Variants in NUDT11 observed in about 807,000 individuals in gnomAD.
NUDT11 encodes nudix hydrolase 11.
NUDT11 carries 1 observed loss-of-function variant against 10.0 expected under a neutral mutation model. That is an observed-to-expected ratio of 0.10 (90% CI 0.04 to 0.47). The LOEUF (loss-of-function observed/expected upper bound fraction) is 0.47, where lower values mean the gene tolerates loss of function less well. Among genes scored for constraint, NUDT11 ranks in the 20% least tolerant of loss-of-function variants. The pLI, the probability that NUDT11 is intolerant of heterozygous loss-of-function variation, is 0.96. For missense variants in NUDT11, 47 were observed against 140.4 expected (o/e 0.33, Z 3.36); for synonymous variants, 63 against 65.9 (o/e 0.96, Z 0.21).
Position 51,491,130 on chromosome X carries a change from C to T in NUDT11, c.*619G>A, listed in dbSNP as rs782216678. 2 of 112,352 alleles carry T rather than the reference C, an allele frequency of 1.8e-5. No homozygotes were observed. Among genetic ancestry groups the T allele is most frequent in the African/African-American group, 6.5e-5 (2 of 30,817 alleles). The allele number at this position is 112,352 out of a possible 1,213,427, so 9.3% of individuals were successfully genotyped here. ...GTACAAAAACACTAGAGTTGTTACA[C>T]GAAGGACTGATTCTACAAAACATTA... On this transcript the variant is annotated 3_prime_UTR_variant, in exon 2 of 2. Coordinates refer to ENST00000375992, the MANE Select transcript of NUDT11 (RefSeq NM_018159.4).
chrX:51,495,083 G>A (rs1364846935), intron 1 of NUDT11, among the ~76,000 whole-genome samples: 2 of 111,845 alleles, frequency 1.8e-5, no homozygotes, highest in Admixed American at 9.5e-5. Flanking sequence ...CTGTGAATAC[G>A]GTTTTTCTGA....
chrX:51,493,196 T>G (rs1352823397), intron 1 of NUDT11, among the ~76,000 whole-genome samples: 3 of 112,284 alleles, frequency 2.7e-5, no homozygotes, highest in African/African-American at 9.7e-5. Context: ...TCTTTATATA[T>G]TCACAAGAAT....
rs1460619850 is a variant in NUDT11 at position 51,496,505 on chromosome X, C to A, written c.-61G>T. On this transcript the variant is annotated 5_prime_UTR_variant, in exon 1 of 2. Transcript: ENST00000375992. Reference sequence around the variant, plus strand: ...CCTCTCGCTGCTGTGTGGGCCGCCGCTGCCGCTGCCGCCGCCGGGGAACAG... The same window carrying A: ...CCTCTCGCTGCTGTGTGGGCCGCCGATGCCGCTGCCGCCGCCGGGGAACAG... 1.9e-5 allele frequency: 22 copies of A among 1,181,339 alleles called. No homozygotes were observed. The highest frequency in any genetic ancestry group is 2.0e-5 in the Non-Finnish European group (18 of 879,675).
At position 51,496,564 on chromosome X, in the gene NUDT11, G is replaced by A; in HGVS notation, c.-120C>T. ...CTGGGAAGAGAAAGGGCCGAGGCGA[G>A]GGGCGGGGAAAGAGAGGCGCCTCCG... is the stretch of plus-strand genomic sequence containing the variant. On this transcript the variant is annotated 5_prime_UTR_variant, in exon 1 of 2. Transcript: ENST00000375992. 2.8e-6 allele frequency: 3 copies of A among 1,084,640 alleles called. No homozygotes were observed. The highest frequency in any genetic ancestry group is 4.8e-5 in the South Asian group (2 of 41,704). 89.4% of individuals were successfully genotyped at this position (1,084,640 alleles called of 1,213,427 possible). A position where few individuals can be genotyped will look rare whatever the true frequency, so the allele number is the denominator to read the frequency against.
At chrX:51,493,787 G>C (rs1387061636) in intron 1 of NUDT11, among the ~76,000 whole-genome samples, 1 of 110,410 alleles carries the variant, frequency 9.1e-6, no homozygotes, top group Admixed American at 9.7e-5. Context: ...ATATTTATAA[G>C]CTAACAATTC....
In NUDT11 at chrX:51,496,562, G is replaced by A. The variant is rs1397015312; in HGVS notation, c.-118C>T. ...TGCTGGGAAGAGAAAGGGCCGAGGC[G>A]AGGGGCGGGGAAAGAGAGGCGCCTC... On this transcript the variant is annotated 5_prime_UTR_variant, in exon 1 of 2. Coordinates refer to ENST00000375992, the MANE Select transcript of NUDT11 (RefSeq NM_018159.4). 9.2e-7 allele frequency: 1 copy of A among 1,081,159 alleles called. No homozygotes were observed. The highest frequency in any genetic ancestry group is 1.2e-6 in the Non-Finnish European group (1 of 820,644). 89.1% of individuals were successfully genotyped at this position (1,081,159 alleles called of 1,213,427 possible). A position where few individuals can be genotyped will look rare whatever the true frequency, so the allele number is the denominator to read the frequency against.
In NUDT11 at chrX:51,490,549, T is replaced by C. The variant is rs1004595019; in HGVS notation, c.*1200A>G. The C allele has an allele frequency of 5.3e-5, 6 of 112,422 alleles. No homozygotes were observed. Among genetic ancestry groups the C allele is most frequent in the Non-Finnish European group, 1.1e-4 (6 of 53,327 alleles). 9.3% of individuals were successfully genotyped at this position (112,422 alleles called of 1,213,427 possible). A position where few individuals can be genotyped will look rare whatever the true frequency, so the allele number is the denominator to read the frequency against. On this transcript the variant is annotated 3_prime_UTR_variant, in exon 2 of 2. Transcript: ENST00000375992. ...CCGTAAGATTTCTTCTAAACATCTT[T>C]GTTATTTTCTTAAAATTGTTCTGGA... is the stretch of plus-strand genomic sequence containing the variant.
chrX:51,495,550 G>T (rs1385848940), intron 1 of NUDT11, among the ~76,000 whole-genome samples: 7 of 111,665 alleles, frequency 6.3e-5, no homozygotes, highest in Non-Finnish European at 1.3e-4. Context: ...CCACGAATAT[G>T]TGTGAAATAT....
Position 51,496,577 on chromosome X carries a change from A to T in NUDT11, c.-133T>A. On this transcript the variant is annotated 5_prime_UTR_variant, in exon 1 of 2. Transcript: ENST00000375992. ...GGGCCGAGGCGAGGGGCGGGGAAAG[A>T]GAGGCGCCTCCGTCTGCCCGCGAGC... 9.6e-7 allele frequency: 1 copy of T among 1,037,950 alleles called. No homozygotes were observed. The highest frequency in any genetic ancestry group is 1.3e-6 in the Non-Finnish European group (1 of 788,423). 85.5% of individuals were successfully genotyped at this position (1,037,950 alleles called of 1,213,427 possible). A position where few individuals can be genotyped will look rare whatever the true frequency, so the allele number is the denominator to read the frequency against.
In NUDT11 at chrX:51,490,918, A is replaced by G; in HGVS notation, c.*831T>C. Reference sequence around the variant, plus strand: ...AAAATGAGGAAACAGTGTTTCCTCAAAGAGATGTTAAGATGACATGTAAGA... The same window carrying G: ...AAAATGAGGAAACAGTGTTTCCTCAGAGAGATGTTAAGATGACATGTAAGA... On this transcript the variant is annotated 3_prime_UTR_variant, in exon 2 of 2. Coordinates refer to ENST00000375992, the MANE Select transcript of NUDT11 (RefSeq NM_018159.4). The G allele has an allele frequency of 8.9e-6, 1 of 112,489 alleles. No homozygotes were observed. Among genetic ancestry groups the G allele is most frequent in the Non-Finnish European group, 1.9e-5 (1 of 53,296 alleles). 9.3% of individuals were successfully genotyped at this position (112,489 alleles called of 1,213,427 possible). A position where few individuals can be genotyped will look rare whatever the true frequency, so the allele number is the denominator to read the frequency against.
intron 1 of NUDT11, among the ~76,000 whole-genome samples, chrX:51,492,856 C>G (rs1925625540): frequency 8.9e-6 from 1 of 112,316 alleles, no homozygotes. Flanking sequence ...CAGAGAGTAC[C>G]TGGTGGCTCC....
At position 51,496,589 on chromosome X, in the gene NUDT11, G is replaced by T. The variant is rs1925717027; in HGVS notation, c.-145C>A. 2.0e-6 allele frequency: 2 copies of T among 1,001,842 alleles called. No homozygotes were observed. The highest frequency in any genetic ancestry group is 2.6e-6 in the Non-Finnish European group (2 of 756,799). The allele number at this position is 1,001,842 out of a possible 1,213,427, so 82.6% of individuals were successfully genotyped here. A position where few individuals can be genotyped will look rare whatever the true frequency, so the allele number is the denominator to read the frequency against. On this transcript the variant is annotated 5_prime_UTR_variant, in exon 1 of 2. Transcript: ENST00000375992. Reference sequence around the variant, plus strand: ...GGGGCGGGGAAAGAGAGGCGCCTCCGTCTGCCCGCGAGCCCGGGGAGCGGA... The same window carrying T: ...GGGGCGGGGAAAGAGAGGCGCCTCCTTCTGCCCGCGAGCCCGGGGAGCGGA...
chrX:51,494,012 T>G (rs1925650089), intron 1 of NUDT11, among the ~76,000 whole-genome samples: 1 of 111,861 alleles, frequency 8.9e-6, no homozygotes, highest in African/African-American at 3.2e-5. Flanking sequence ...TCAATATTAA[T>G]GTAGAAACAA....
chrX:51,495,872 C>T (rs1453265645), intron 1 of NUDT11, 79 bp downstream of exon 1: 59 of 1,163,727 alleles, frequency 5.1e-5, no homozygotes, highest in Admixed American at 2.7e-4. Context: ...CCGCACATGG[C>T]ACGAGAGGTG....
intron 1 of NUDT11, among the ~76,000 whole-genome samples, chrX:51,494,966 A>C (rs1397701179): frequency 2.7e-5 from 3 of 111,685 alleles, no homozygotes; most frequent in African/African-American, 9.8e-5. Flanking sequence ...CAAATATGGG[A>C]GGGAGACCAC....
At position 51,491,301 on chromosome X, in the gene NUDT11, T is replaced by C. The variant is rs1315106144; in HGVS notation, c.*448A>G. 3 of 119,345 alleles carry C rather than the reference T, an allele frequency of 2.5e-5. No individual in the cohort carries two copies. The highest frequency in any genetic ancestry group is 9.6e-5 in the African/African-American group (3 of 31,104). The allele number at this position is 119,345 out of a possible 1,213,427, so 9.8% of individuals were successfully genotyped here. Reference sequence around the variant, plus strand: ...TGATACACAAAAGCCACACACATGGTGCCTAGATAGCATATACTCTACTAG... The same window carrying C: ...TGATACACAAAAGCCACACACATGGCGCCTAGATAGCATATACTCTACTAG... On this transcript the variant is annotated 3_prime_UTR_variant, in exon 2 of 2. Transcript: ENST00000375992.
chrX:51,493,604 C>G (rs922226998), intron 1 of NUDT11, among the ~76,000 whole-genome samples: 2 of 111,700 alleles, frequency 1.8e-5, no homozygotes, highest in Non-Finnish European at 1.9e-5. Flanking sequence ...AAACTCTTGA[C>G]TTAGTTTTGA....
intron 1 of NUDT11, 54 bp downstream of exon 1, chrX:51,495,897 C>T: frequency 8.4e-7 from 1 of 1,191,670 alleles, no homozygotes; most frequent in Non-Finnish European, 1.1e-6. Flanking sequence ...AGGCGGGACG[C>T]ATTTTAAGCG....
rs782085172 is a variant in NUDT11 at position 51,496,065 on chromosome X, T to C, written c.380A>G (p.Lys127Arg). ...CACGGGCTTGTGGCACTGGAGAACCTTGATGGCATCTTCGACTTTGAACCA... is the reference window on the plus strand; with the variant it reads ...CACGGGCTTGTGGCACTGGAGAACCCTGATGGCATCTTCGACTTTGAACCA... ...REWFKVEDAI[K>R]VLQCHKPVHA... is the part of the protein sequence containing the mutation. Residue 127 changes from lysine (K) to arginine (R), a missense_variant, in exon 1 of 2, where the codon AAG becomes AGG. Coordinates refer to ENST00000375992, the MANE Select transcript of NUDT11 (RefSeq NM_018159.4). The C allele has an allele frequency of 6.6e-6, 8 of 1,211,285 alleles. No individual in the cohort carries two copies. The South Asian group carries it at 8.8e-5, about 13-fold the overall frequency.
Sources: allele counts gnomAD v4.1 joint callset (sites outside exome capture counted in the v4.1 genomes callset), GRCh38; gene constraint gnomAD v4.1.1; transcripts MANE v1.5; gene names NCBI Gene and HGNC (gene_info 2026-07-23, HGNC 2026-07-21).